STIM1: variants seen among roughly 807,000 people sequenced by gnomAD.
STIM1 encodes stromal interaction molecule 1.
Under a neutral mutation model 74.7 loss-of-function variants are expected in STIM1, and 25 were observed. The observed-to-expected ratio is 0.33, with a 90% CI of 0.24 to 0.47. The LOEUF is 0.47. Among genes scored for constraint, STIM1 ranks in the 20% least tolerant of loss-of-function variants. The probability of loss-of-function intolerance (pLI) is 1.00; values close to 1 mark genes in which losing one functional copy is unlikely to be tolerated. For missense variants in STIM1, 728 were observed against 920.8 expected (o/e 0.79, Z 2.71); for synonymous variants, 328 against 348.8 (o/e 0.94, Z 0.66).
Position 4,083,485 on chromosome 11 carries a change from C to G in STIM1, c.1461C>G (p.Pro487=), listed in dbSNP as rs751169800. 9.3e-6 allele frequency: 15 copies of G among 1,613,616 alleles called. No individual in the cohort carries two copies. The Admixed American group carries it at 2.0e-4, about 22-fold the overall frequency. ...ACATGGATGAGGAGATTGTGTCTCC[C>G]TTGTCCATGCAGTGTAGGTGACCTC... The part of the protein sequence containing the change: ...VDDMDEEIVS[P]LSMQYAAWLM... Residue 487 remains proline, a synonymous_variant, in exon 10 of 13, where the codon CCC becomes CCG. Transcript: ENST00000526596.
At chr11:4,086,772 C>A (rs1179225907) in intron 12 of STIM1, 1 of 1,537,046 alleles carries the variant, frequency 6.5e-7, no homozygotes, top group Admixed American at 2.0e-5. Flanking sequence ...ACCACCACAG[C>A]ACTTCCTATT....
Position 4,091,507 on chromosome 11 carries a change from G to A in STIM1, c.1860G>A (p.Gly620=). Reference sequence around the variant, plus strand: ...AGGCATTACTGGCGCTGAACCATGGGCTGGACAAGGCCCACAGCCTGATGG... The same window carrying A: ...AGGCATTACTGGCGCTGAACCATGGACTGGACAAGGCCCACAGCCTGATGG... The part of the protein sequence containing the change: ...AKKALLALNH[G]LDKAHSLMEL... The change falls in exon 13 of 13, where the codon GGG becomes GGA. Residue 620 remains glycine, a synonymous_variant. Coordinates refer to ENST00000526596, the MANE Select transcript of STIM1 (RefSeq NM_001382567.1). 1 of 1,614,152 alleles carries A rather than the reference G, an allele frequency of 6.2e-7. No homozygotes were observed. The highest frequency in any genetic ancestry group is 8.5e-7 in the Non-Finnish European group (1 of 1,180,024).
At chr11:3,891,976 T>A (rs2091909022) in intron 1 of STIM1, among the ~76,000 whole-genome samples, 1 of 152,230 alleles carries the variant, frequency 6.6e-6, no homozygotes, top group Non-Finnish European at 1.5e-5. Context: ...TGGGCTAGAT[T>A]TGGCCTGAGG....
At chr11:3,883,519 A>G (rs1000696649) in intron 1 of STIM1, among the ~76,000 whole-genome samples, 41 of 152,090 alleles carry the variant, frequency 2.7e-4, no homozygotes, top group Admixed American at 6.5e-5. Context: ...ACGCCCAGCT[A>G]ATTTTGTATT....
chr11:3,971,667 A>G (rs2135753964), intron 2 of STIM1, among the ~76,000 whole-genome samples: 1 of 152,368 alleles, frequency 6.6e-6, no homozygotes, highest in East Asian at 1.9e-4. Context: ...GACTGGAACC[A>G]ATGATCCCTT....
intron 12 of STIM1, 49 bp from the exon 13 acceptor site, chr11:4,091,233 C>A: frequency 6.2e-7 from 1 of 1,612,762 alleles, no homozygotes; most frequent in Non-Finnish European, 8.5e-7. Flanking sequence ...TCCCCTATCA[C>A]CTCATCCAAT....
chr11:3,941,639 A>T (rs1182900855), intron 1 of STIM1, among the ~76,000 whole-genome samples: 2 of 138,460 alleles, frequency 1.4e-5, no homozygotes, highest in Non-Finnish European at 3.1e-5. Context: ...ATAGAGAGAT[A>T]GTGTGTGTGT....
intron 2 of STIM1, among the ~76,000 whole-genome samples, chr11:3,997,544 C>G (rs193096285): frequency 6.6e-6 from 1 of 152,038 alleles, no homozygotes; most frequent in Non-Finnish European, 1.5e-5. Context: ...CAGAAGAGGA[C>G]GCCCTAAGTC....
intron 1 of STIM1, among the ~76,000 whole-genome samples, chr11:3,904,655 G>A (rs1185882850): frequency 6.6e-6 from 1 of 152,170 alleles, no homozygotes; most frequent in African/African-American, 2.4e-5. Flanking sequence ...CAGATGATGA[G>A]GCTGGAACAA....
chr11:3,857,055 T>C (rs375169359), intron 1 of STIM1, among the ~76,000 whole-genome samples: 2 of 151,998 alleles, frequency 1.3e-5, no homozygotes, highest in African/African-American at 4.8e-5. Flanking sequence ...TGACTTATTC[T>C]GTTTCTTCTG....
intron 1 of STIM1, among the ~76,000 whole-genome samples, chr11:3,933,157 T>A (rs956508478): frequency 1.3e-5 from 2 of 152,232 alleles, no homozygotes; most frequent in African/African-American, 4.8e-5. Context: ...GACAAAAGTC[T>A]TAGCGGCTGG....
chr11:3,861,161 T>C (rs559830067), intron 1 of STIM1, among the ~76,000 whole-genome samples: 15 of 151,832 alleles, frequency 9.9e-5, no homozygotes, highest in African/African-American at 3.1e-4. Flanking sequence ...AGTTGCTTCA[T>C]TGTTGGCTAG....
intron 1 of STIM1, among the ~76,000 whole-genome samples, chr11:3,875,621 G>A (rs1014935376): frequency 6.6e-6 from 1 of 151,654 alleles, no homozygotes; most frequent in African/African-American, 2.4e-5. Flanking sequence ...CAGCTACTTG[G>A]GGGTAGAGGC....
chr11:3,896,691 G>A (rs1231896870), intron 1 of STIM1, among the ~76,000 whole-genome samples: 2 of 152,204 alleles, frequency 1.3e-5, no homozygotes, highest in Non-Finnish European at 2.9e-5. Context: ...CAAATAATTG[G>A]TGGTGGGGGA....
At chr11:3,907,129 G>A (rs559625014) in intron 1 of STIM1, among the ~76,000 whole-genome samples, 38 of 152,280 alleles carry the variant, frequency 2.5e-4, no homozygotes, top group Non-Finnish European at 5.9e-5. Flanking sequence ...TTAGAAGTTG[G>A]CAATTATCTC....
intron 7 of STIM1, among the ~76,000 whole-genome samples, chr11:4,080,427 T>G (rs1378984105): frequency 6.6e-6 from 1 of 152,050 alleles, no homozygotes; most frequent in Non-Finnish European, 1.5e-5. Flanking sequence ...CCATCTTCCC[T>G]ATTCCTTATT....
intron 1 of STIM1, among the ~76,000 whole-genome samples, chr11:3,962,135 T>C (rs559836757): frequency 1.0e-3 from 156 of 152,312 alleles, no homozygotes; most frequent in African/African-American, 3.6e-3. Flanking sequence ...GGGTATATTG[T>C]GTATTGGTGA....
intron 3 of STIM1, among the ~76,000 whole-genome samples, chr11:4,034,572 A>G (rs1468634461): frequency 6.6e-6 from 1 of 152,122 alleles, no homozygotes; most frequent in Non-Finnish European, 1.5e-5. Flanking sequence ...TTCATGAAGG[A>G]TACTGGTTTG....
intron 1 of STIM1, among the ~76,000 whole-genome samples, chr11:3,919,659 G>C: frequency 6.6e-6 from 1 of 152,294 alleles, no homozygotes; most frequent in East Asian, 1.9e-4. Flanking sequence ...TATATGGTAC[G>C]GTGTATAAAG....
Sources: allele counts gnomAD v4.1 joint callset (sites outside exome capture counted in the v4.1 genomes callset), GRCh38; gene constraint gnomAD v4.1.1; transcripts MANE v1.5; gene names NCBI Gene and HGNC (gene_info 2026-07-23, HGNC 2026-07-21).